Variants in TPTE2 observed in about 807,000 individuals in gnomAD.
TPTE2 encodes phosphatidylinositol 3,4,5-trisphosphate 3-phosphatase TPTE2.
A neutral mutation model predicts 78.6 loss-of-function variants in TPTE2; 53 were observed. The observed-to-expected ratio is 0.67, with a 90% confidence interval of 0.54 to 0.85. TPTE2 has a LOEUF of 0.85. Among genes scored for constraint, TPTE2 ranks in the 40% least tolerant of loss-of-function variants. The pLI is 0.00. For missense variants in TPTE2, 461 were observed against 623.0 expected, an observed-to-expected ratio of 0.74 and a Z score of 2.77; for synonymous variants, 175 against 206.2, an observed-to-expected ratio of 0.85 and a Z score of 1.30.
chr13:19,432,573 T>C, exon 16 of TPTE2: 1 of 1,595,760 alleles, frequency 6.3e-7, no homozygotes, highest in Non-Finnish European at 8.6e-7. Flanking sequence ...ATCCAACATA[T>C]CTATTCTGAA....
At position 19,464,330 on chromosome 13, in the gene TPTE2, A is replaced by T. The variant is rs1879122204; in HGVS notation, c.741+126T>A. 4 of 1,003,618 alleles carry T rather than the reference A, an allele frequency of 4.0e-6. No individual in the cohort carries two copies. In the African/African-American group the frequency reaches 4.8e-5, roughly 12 times the overall value. 62.2% of individuals were successfully genotyped at this position (1,003,618 alleles called of 1,614,324 possible). A position where few individuals can be genotyped will look rare whatever the true frequency, so the allele number is the denominator to read the frequency against. On this transcript the variant is annotated intron_variant, in intron 10 of 19. Coordinates refer to ENST00000400230, the Ensembl canonical transcript of TPTE2. ...CAATTGTAACTGGTATCAATCCATTATGATTTTTTTACTTGAAAGAGTACA... is the reference window on the plus strand; with the variant it reads ...CAATTGTAACTGGTATCAATCCATTTTGATTTTTTTACTTGAAAGAGTACA...
chr13:19,434,616 T>C (rs972551426), intron 15 of TPTE2, among the ~76,000 whole-genome samples: 11 of 149,262 alleles, frequency 7.4e-5, no homozygotes, highest in Admixed American at 2.0e-4. Context: ...GTTTGGGGCT[T>C]GGGTGTGGGA....
chr13:19,439,550 T>C (rs915792031), intron 13 of TPTE2, among the ~76,000 whole-genome samples: 5 of 152,176 alleles, frequency 3.3e-5, no homozygotes, highest in African/African-American at 9.7e-5. Context: ...TCTGGCACCA[T>C]GAGAAATCTG....
the TPTE2 span, among the ~76,000 whole-genome samples, chr13:19,545,926 T>A: frequency 2.6e-5 from 4 of 152,166 alleles, no homozygotes; most frequent in Non-Finnish European, 4.4e-5. Context: ...GTCTGTTATC[T>A]CAGCACTTTG....
chr13:19,513,574 T>G (rs1193953161), intron 1 of TPTE2, among the ~76,000 whole-genome samples: 6 of 152,292 alleles, frequency 3.9e-5, no homozygotes, highest in East Asian at 1.9e-4. Flanking sequence ...CACGACTTTT[T>G]TTGTTGTTGT....
intron 10 of TPTE2, among the ~76,000 whole-genome samples, chr13:19,452,935 T>C (rs1878267817): frequency 6.6e-6 from 1 of 151,802 alleles, no homozygotes; most frequent in Non-Finnish European, 1.5e-5. Flanking sequence ...TAGAATACTG[T>C]CCTGTCCTTC....
intron 10 of TPTE2, among the ~76,000 whole-genome samples, chr13:19,453,856 C>A (rs1878361128): frequency 6.6e-6 from 1 of 152,078 alleles, no homozygotes; most frequent in Non-Finnish European, 1.5e-5. Context: ...AATAGCTCAG[C>A]CTTTGCATGG....
intron 4 of TPTE2, among the ~76,000 whole-genome samples, chr13:19,476,969 C>T (rs1027511732): frequency 6.6e-6 from 1 of 152,126 alleles, no homozygotes; most frequent in African/African-American, 2.4e-5. Context: ...CCTAGGTACC[C>T]ATCAATGACA....
At chr13:19,560,484 C>G in the TPTE2 span, 24 of 1,595,240 alleles carry the variant, frequency 1.5e-5, no homozygotes, top group Non-Finnish European at 2.1e-5. Flanking sequence ...GCACCAGCAC[C>G]TCCATTCATA....
chr13:19,472,715 T>C (rs1441413865), intron 6 of TPTE2, among the ~76,000 whole-genome samples: 1 of 152,226 alleles, frequency 6.6e-6, no homozygotes, highest in Non-Finnish European at 1.5e-5. Context: ...ATAGTGTTGA[T>C]GCTAGCAGAT....
At chr13:19,538,290 G>A (rs1475784549), upstream of TPTE2, among the ~76,000 whole-genome samples, 2 of 151,810 alleles carry the variant, frequency 1.3e-5, no homozygotes, top group Admixed American at 6.6e-5. Flanking sequence ...GCGCCAGCTC[G>A]GCTCACTGCA....
At chr13:19,537,055 T>C (rs1871254420), upstream of TPTE2, among the ~76,000 whole-genome samples, 1 of 151,912 alleles carries the variant, frequency 6.6e-6, no homozygotes, top group Non-Finnish European at 1.5e-5. Flanking sequence ...CTTTTGATTT[T>C]TTGGCCTTCT....
intron 15 of TPTE2, among the ~76,000 whole-genome samples, chr13:19,435,478 T>G (rs1171586932): frequency 6.6e-6 from 1 of 152,258 alleles, no homozygotes; most frequent in East Asian, 1.9e-4. Context: ...GAAACGTGGC[T>G]GGCGCCGGCT....
chr13:19,465,956 A>G (rs942101966), intron 7 of TPTE2, among the ~76,000 whole-genome samples: 2 of 152,196 alleles, frequency 1.3e-5, no homozygotes, highest in African/African-American at 4.8e-5. Context: ...GGGATTTAAG[A>G]CTAGCATTTT....
the TPTE2 span, among the ~76,000 whole-genome samples, chr13:19,547,044 C>T: frequency 6.6e-6 from 1 of 150,962 alleles, no homozygotes; most frequent in Non-Finnish European, 1.5e-5. Flanking sequence ...GATAGCCCTC[C>T]TGAAACTTAT....
chr13:19,547,822 A>G, the TPTE2 span, among the ~76,000 whole-genome samples: 1 of 150,510 alleles, frequency 6.6e-6, no homozygotes, highest in Admixed American at 6.7e-5. Flanking sequence ...CTGCCATTTA[A>G]TGTGGATTGA....
intron 1 of TPTE2, among the ~76,000 whole-genome samples, chr13:19,532,369 T>G (rs1339045206): frequency 1.3e-5 from 2 of 152,114 alleles, no homozygotes. Flanking sequence ...TAAAAGGGCT[T>G]GAAAGAGGGA....
intron 10 of TPTE2, 83 bp from the exon 14 acceptor site, chr13:19,451,308 A>G (rs1245795796): frequency 6.4e-7 from 1 of 1,558,276 alleles, no homozygotes; most frequent in Non-Finnish European, 8.8e-7. Context: ...AATGGTTATT[A>G]CTTTTATTAA....
intron 3 of TPTE2, among the ~76,000 whole-genome samples, chr13:19,491,980 C>T (rs1881018415): frequency 6.6e-6 from 1 of 152,122 alleles, no homozygotes; most frequent in Non-Finnish European, 1.5e-5. Flanking sequence ...AGAATTCTTA[C>T]CTAGATGTTC....
Sources: gnomAD v4.1 joint callset for allele counts (sites outside exome capture counted in the v4.1 genomes callset) on GRCh38, gnomAD v4.1.1 for gene constraint, MANE v1.5 for transcripts, NCBI Gene and HGNC (gene_info 2026-07-23, HGNC 2026-07-21) for gene names.